Variants in AVL9 observed in about 807,000 individuals in gnomAD.
AVL9 encodes the protein late secretory pathway protein AVL9 homolog.
A neutral mutation model predicts 79.2 loss-of-function variants in AVL9; 49 were observed. The ratio of observed to expected loss-of-function variants is 0.62; its 90% CI spans 0.49 to 0.79. The LOEUF (loss-of-function observed/expected upper bound fraction) is 0.79, where lower values mean the gene tolerates loss of function less well. AVL9 is among the 30% of genes least tolerant of loss of function. AVL9 has a pLI of 0.00. For synonymous variants in AVL9, 299 were observed against 280.6 expected, an observed-to-expected ratio of 1.07 and a Z score of -0.65; for missense variants, 682 against 776.8, an observed-to-expected ratio of 0.88 and a Z score of 1.45.
intron 10 of AVL9, among the ~76,000 whole-genome samples, chr7:32,567,349 G>A (rs1424494259): frequency 6.6e-6 from 1 of 152,082 alleles, no homozygotes; most frequent in Non-Finnish European, 1.5e-5. Flanking sequence ...CAGTCTGCCC[G>A]CCTTGGCCTC....
chr7:32,518,936 CAAT>C (rs1038754835), intron 1 of AVL9, among the ~76,000 whole-genome samples: 8 of 152,162 alleles, frequency 5.3e-5, no homozygotes, highest in Non-Finnish European at 8.8e-5. Flanking sequence ...TTTTTAAATT[CAAT>C]AATCTGTTTC....
rs1444109959 is a variant in AVL9 at position 32,543,203 on chromosome 7, A to G, written c.156A>G (p.Glu52=). 3 of 1,614,076 alleles carry G rather than the reference A, an allele frequency of 1.9e-6. No individual in the cohort carries two copies. In the African/African-American group the frequency reaches 4.0e-5, roughly 22 times the overall value. ...GACATGACAGCCACACTTTACCTGA[A>G]GAATGGAAGTATTTGCCCTTCCTTG... The part of the protein sequence containing the change: ...GDGHDSHTLP[E]EWKYLPFLAL... The change falls in exon 2 of 16, where the codon GAA becomes GAG. Residue 52 remains glutamate, a synonymous_variant. Transcript: ENST00000318709.
chr7:32,562,508 T>C, intron 10 of AVL9: 1 of 484,296 alleles, frequency 2.1e-6, no homozygotes, highest in Non-Finnish European at 2.7e-6. Flanking sequence ...TGAAATTTTT[T>C]AATAACTTAA....
intron 1 of AVL9, among the ~76,000 whole-genome samples, chr7:32,500,098 G>A (rs1475260917): frequency 2.0e-5 from 3 of 152,074 alleles, no homozygotes; most frequent in East Asian, 1.9e-4. Context: ...ATAATCCTTC[G>A]GGTATATACC....
At chr7:32,520,931 A>AGTCTCG (rs1788114469) in intron 1 of AVL9, among the ~76,000 whole-genome samples, 1 of 152,088 alleles carries the variant, frequency 6.6e-6, no homozygotes, top group African/African-American at 2.4e-5. Context: ...AGTCTTTCCC[A>AGTCTCG]TGCTATTCTC....
At chr7:32,569,939 C>CTCTCT in intron 10 of AVL9, 81 bp from the exon 11 acceptor site, 3 of 1,400,452 alleles carry the variant, frequency 2.1e-6, no homozygotes, top group Non-Finnish European at 3.0e-6. Flanking sequence ...AGTTTCTTTT[C>CTCTCT]CTACTGTTAG....
chr7:32,524,529 TACACAC>T (rs34652596), intron 1 of AVL9, among the ~76,000 whole-genome samples: 87,812 of 132,072 alleles, frequency 0.66, 26,216 homozygotes, highest in Admixed American at 0.72. Context: ...GAGGGAGAAA[TACACAC>T]ACACACACAC....
intron 1 of AVL9, among the ~76,000 whole-genome samples, chr7:32,496,804 T>C (rs1233735797): frequency 6.6e-6 from 1 of 152,078 alleles, no homozygotes; most frequent in Non-Finnish European, 1.5e-5. Context: ...AGTGAAAAAA[T>C]CGTGTTTGTG....
At chr7:32,554,042 T>G (rs1789955616) in intron 7 of AVL9, among the ~76,000 whole-genome samples, 2 of 152,240 alleles carry the variant, frequency 1.3e-5, no homozygotes, top group South Asian at 4.1e-4. Context: ...TGCAATTTCA[T>G]CGATCATGAG....
At chr7:32,522,943 C>A (rs1042546965) in intron 1 of AVL9, among the ~76,000 whole-genome samples, 2 of 151,822 alleles carry the variant, frequency 1.3e-5, no homozygotes, top group African/African-American at 4.8e-5. Flanking sequence ...CTCTTGCCAC[C>A]GCCATGTAAT....
At chr7:32,579,446 ATATAT>A (rs1791294266) in intron 13 of AVL9, among the ~76,000 whole-genome samples, 61 of 3,354 alleles carry the variant, frequency 0.018, 11 homozygotes, top group South Asian at 0.053. Context: ...ATTATATATA[ATATAT>A]TATATATTAT....
Position 32,527,544 on chromosome 7 carries a change from T to TAA in AVL9, c.94-15589_94-15588dup, listed in dbSNP as rs34245454. Among the ~76,000 whole-genome samples the TAA allele has an allele frequency of 6.6e-5, 10 of 151,626 alleles. No homozygotes were observed. In the East Asian group the frequency reaches 7.8e-4, roughly 12 times the overall value. On this transcript the variant is annotated intron_variant, in intron 1 of 15. Transcript: ENST00000318709. ...TTTTTTTGATTGTTGGCTTTCTACT[T>TAA]AAAAAAAAATAATTTTAAGGGGTAA...
At chr7:32,543,796 T>G (rs1562777439) in intron 2 of AVL9, among the ~76,000 whole-genome samples, 1 of 152,260 alleles carries the variant, frequency 6.6e-6, no homozygotes, top group Non-Finnish European at 1.5e-5. Context: ...CTTACCACCC[T>G]ATAACTGAGT....
At chr7:32,520,477 A>G (rs10951338) in intron 1 of AVL9, among the ~76,000 whole-genome samples, 53,249 of 152,074 alleles carry the variant, frequency 0.35, 9,653 homozygotes, top group East Asian at 0.48. Context: ...TGAGATAACA[A>G]CCAGCCTAGT....
At chr7:32,580,992 G>A in intron 15 of AVL9, 102 bp downstream of exon 15, 1 of 934,258 alleles carries the variant, frequency 1.1e-6, no homozygotes, top group East Asian at 2.6e-5. Flanking sequence ...GTAAAGATCT[G>A]TGTTATCACA....
intron 8 of AVL9, 43 bp from the exon 9 acceptor site, chr7:32,558,516 C>A: frequency 7.1e-7 from 1 of 1,401,174 alleles, no homozygotes; most frequent in Non-Finnish European, 1.0e-6. Flanking sequence ...TTATGGACGG[C>A]TTCATGGGTC....
Position 32,583,863 on chromosome 7 carries a change from TCCA to T in AVL9, c.1906_1908del (p.Thr636del). 3.1e-6 allele frequency: 5 copies of T among 1,614,062 alleles called. No homozygotes were observed. Among genetic ancestry groups the T allele is most frequent in the Non-Finnish European group, 4.2e-6 (5 of 1,179,986 alleles). ...TTCATGGCTTTCCACTTTCACCACT[TCCA>T]CCTCCCAAAGTCTCACTGAGCCACC... On this transcript the variant is annotated inframe_deletion, in exon 16 of 16. Coordinates refer to ENST00000318709, the MANE Select transcript of AVL9 (RefSeq NM_015060.3).
At position 32,586,642 on chromosome 7, in the gene AVL9, C is replaced by A. The variant is rs1346855424; in HGVS notation, c.*2735C>A. 1 of 152,162 alleles carries A rather than the reference C, an allele frequency of 6.6e-6. No individual in the cohort carries two copies. The highest frequency in any genetic ancestry group is 1.5e-5 in the Non-Finnish European group (1 of 68,072). The allele number at this position is 152,162 out of a possible 1,614,324, so 9.4% of individuals were successfully genotyped here. On this transcript the variant is annotated 3_prime_UTR_variant, in exon 16 of 16. Coordinates refer to ENST00000318709, the MANE Select transcript of AVL9 (RefSeq NM_015060.3). ...GTGTTGGTGGCCACACTTGCTAAGG[C>A]TTTTGTGTCTAAGAATTGAGTATTT...
intron 1 of AVL9, among the ~76,000 whole-genome samples, chr7:32,517,855 A>G (rs1787976749): frequency 6.6e-6 from 1 of 151,262 alleles, no homozygotes; most frequent in Non-Finnish European, 1.5e-5. Context: ...TTTTTGAAAC[A>G]TAGTCTTGCT....
Sources: gnomAD v4.1 joint callset for allele counts (sites outside exome capture counted in the v4.1 genomes callset) on GRCh38, gnomAD v4.1.1 for gene constraint, MANE v1.5 for transcripts, NCBI Gene and HGNC (gene_info 2026-07-23, HGNC 2026-07-21) for gene names.